Variants in FOXP1 observed in about 807,000 individuals in gnomAD.
FOXP1 encodes the protein forkhead box protein P1.
FOXP1 carries 15 observed loss-of-function variants against 98.2 expected under a neutral mutation model. The observed-to-expected ratio is 0.15, with a 90% CI of 0.10 to 0.24. The LOEUF is 0.24. Among genes scored for constraint, FOXP1 ranks in the 10% least tolerant of loss-of-function variants. The pLI is 1.00. For synonymous variants in FOXP1, 371 were observed against 314.5 expected, an observed-to-expected ratio of 1.18 and a Z score of -1.90; for missense variants, 633 against 848.5, an observed-to-expected ratio of 0.75 and a Z score of 3.15.
chr3:70,959,512 G>T, intron 20 of FOXP1, 121 bp from the exon 21 acceptor site: 1 of 1,052,204 alleles, frequency 9.5e-7, no homozygotes, highest in Non-Finnish European at 1.4e-6. Context: ...GTCCAGTATT[G>T]TTACCATTAG....
chr3:71,424,925 A>G (rs961405240), intron 3 of FOXP1, among the ~76,000 whole-genome samples: 1 of 152,214 alleles, frequency 6.6e-6, no homozygotes. Context: ...AGTGATCAAG[A>G]ACAGGGAAAG....
chr3:71,302,100 G>GCC (rs2073894587), intron 4 of FOXP1, among the ~76,000 whole-genome samples: 1 of 152,118 alleles, frequency 6.6e-6, no homozygotes, highest in Non-Finnish European at 1.5e-5. Context: ...TGCACGATTG[G>GCC]CCACTCATTA....
rs916116002 is a variant in FOXP1, at chr3:71,469,020, G to A, written c.-168+24406C>T. ...TCCAACTCAGAGCAATTCCACCGGCGCTGGGTGTTGCCTTGTAAATGGCAA... is the reference window on the plus strand; with the variant it reads ...TCCAACTCAGAGCAATTCCACCGGCACTGGGTGTTGCCTTGTAAATGGCAA... On this transcript the variant is annotated intron_variant, in intron 3 of 20. Transcript: ENST00000649528. 3.9e-5 allele frequency among the ~76,000 whole-genome samples: 6 copies of A among 152,294 alleles called. No homozygotes were observed. In the East Asian group the frequency reaches 7.7e-4, roughly 20 times the overall value.
At position 71,297,616 on chromosome 3, in the gene FOXP1, A is replaced by ATTTT. The variant is rs33920121; in HGVS notation, c.-12+2200_-12+2203dup. ...TCTACCACTTTTTCAGCTTTGTTTA[A>ATTTT]TTTTTTTTTTTTTTTTTCAGACAGA... On this transcript the variant is annotated intron_variant, in intron 5 of 20. Transcript: ENST00000649528. Among the ~76,000 whole-genome samples the ATTTT allele has an allele frequency of 6.7e-5, 9 of 135,204 alleles. 1 individual carries two copies. The highest frequency in any genetic ancestry group is 2.1e-4 in the East Asian group (1 of 4,714). The allele number at this position is 135,204 out of a possible 152,430, so 88.7% of individuals were successfully genotyped here. A position where few individuals can be genotyped will look rare whatever the true frequency, so the allele number is the denominator to read the frequency against.
intron 5 of FOXP1, among the ~76,000 whole-genome samples, chr3:71,271,410 A>C (rs1222036586): frequency 6.6e-6 from 1 of 152,200 alleles, no homozygotes; most frequent in East Asian, 1.9e-4. Flanking sequence ...ATTGCTGCCC[A>C]CCAATTCGGT....
chr3:71,416,809 G>A (rs988881191), intron 3 of FOXP1, among the ~76,000 whole-genome samples: 1 of 152,062 alleles, frequency 6.6e-6, no homozygotes, highest in Non-Finnish European at 1.5e-5. Context: ...AAAAGGGGGC[G>A]GGGGTGGTGG....
chr3:71,473,924 C>T (rs1489182434), intron 3 of FOXP1, among the ~76,000 whole-genome samples: 2 of 152,150 alleles, frequency 1.3e-5, no homozygotes, highest in Non-Finnish European at 2.9e-5. Flanking sequence ...ATGGGTGGGA[C>T]ATGTCACCTG....
rs184396886 is a variant in FOXP1, at chr3:71,009,591, C to T, written c.974+5958G>A. Among the ~76,000 whole-genome samples the T allele has an allele frequency of 8.5e-3, 1,287 of 152,212 alleles. 74 individuals are homozygous for T. Among genetic ancestry groups the T allele is most frequent in the Admixed American group, 0.078 (1,198 of 15,270 alleles). ...ATATCAATGCTTTGCATAGTCACAA[C>T]TCCTTTTCCTAGGTAGAAGGTTGGA... On this transcript the variant is annotated intron_variant, in intron 12 of 20. Transcript: ENST00000649528.
rs184504472 is a variant in FOXP1 at position 71,314,844 on chromosome 3, A to G, written c.-72-14964T>C. Among the ~76,000 whole-genome samples, 1,104 of 152,076 alleles carry G rather than the reference A, an allele frequency of 7.3e-3. 29 individuals carry two copies. The highest frequency in any genetic ancestry group is 4.7e-3 in the Non-Finnish European group (317 of 67,986). The stretch of plus-strand genomic sequence containing the variant: ...AAGGAAAGAGGAGAATCCAGCCTGG[A>G]ACCAAAAGGCATTGAAACACATTTT... On this transcript the variant is annotated intron_variant, in intron 4 of 20. Coordinates refer to ENST00000649528, the MANE Select transcript of FOXP1 (RefSeq NM_001349338.3).
chr3:71,554,294 A>G (rs894177956), intron 2 of FOXP1, among the ~76,000 whole-genome samples: 3 of 152,338 alleles, frequency 2.0e-5, no homozygotes, highest in Middle Eastern at 3.4e-3. Context: ...TCAAGGCTGC[A>G]GTGAGCTATG....
chr3:71,376,980 C>A (rs2079766526), intron 3 of FOXP1, among the ~76,000 whole-genome samples: 1 of 152,004 alleles, frequency 6.6e-6, no homozygotes. Flanking sequence ...AAAATTGAGT[C>A]TTCATCTTCT....
chr3:71,545,169 C>A (rs543645634), intron 2 of FOXP1, among the ~76,000 whole-genome samples: 25 of 152,164 alleles, frequency 1.6e-4, no homozygotes, highest in Admixed American at 1.6e-3. Context: ...AAAAAATCAG[C>A]ATGCTGTCAT....
rs560954116 is a variant in FOXP1 at position 71,536,990 on chromosome 3, A to C, written c.-297-43435T>G. Among the ~76,000 whole-genome samples the C allele has an allele frequency of 1.2e-4, 19 of 152,200 alleles. No individual in the cohort carries two copies. In the East Asian group the frequency reaches 3.5e-3, roughly 28 times the overall value. On this transcript the variant is annotated intron_variant, in intron 2 of 20. Transcript: ENST00000649528. Reference sequence around the variant, plus strand: ...TCCTGCCCACCTGAGCCATGGAGGGAAGGTCTGCCAACTGTCCCAGGATGT... The same window carrying C: ...TCCTGCCCACCTGAGCCATGGAGGGCAGGTCTGCCAACTGTCCCAGGATGT...
chr3:71,323,590 T>C (rs1213056802), intron 4 of FOXP1, among the ~76,000 whole-genome samples: 2 of 151,724 alleles, frequency 1.3e-5, no homozygotes, highest in South Asian at 2.1e-4. Flanking sequence ...GTGTAACTAG[T>C]TCAGTTTTAG....
intron 6 of FOXP1, among the ~76,000 whole-genome samples, chr3:71,150,847 T>C (rs1415334837): frequency 6.6e-6 from 1 of 152,174 alleles, no homozygotes; most frequent in Non-Finnish European, 1.5e-5. Context: ...GTCTACCCCG[T>C]TACGGTCTCT....
chr3:71,424,594 G>A (rs1011298002), intron 3 of FOXP1, among the ~76,000 whole-genome samples: 2 of 152,122 alleles, frequency 1.3e-5, no homozygotes, highest in Non-Finnish European at 2.9e-5. Context: ...AACTTCCAGA[G>A]GTGTATTAAT....
intron 3 of FOXP1, among the ~76,000 whole-genome samples, chr3:71,376,981 T>C (rs2079766775): frequency 6.6e-6 from 1 of 152,182 alleles, no homozygotes; most frequent in African/African-American, 2.4e-5. Context: ...AAATTGAGTC[T>C]TCATCTTCTT....
intron 2 of FOXP1, among the ~76,000 whole-genome samples, chr3:71,535,183 A>G (rs1034890500): frequency 1.3e-5 from 2 of 152,204 alleles, no homozygotes; most frequent in Non-Finnish European, 2.9e-5. Context: ...AACCAGGTGC[A>G]TCTGGCCCTG....
chr3:71,070,478 T>C lies in FOXP1; in HGVS notation c.283-16705A>G, dbSNP rs143541362. On this transcript the variant is annotated intron_variant, in intron 7 of 20. Transcript: ENST00000649528. ...TACAGTATATTTGGCTGACTCGCAG[T>C]TCGAGTTTTCTTCTGGCATTCCTAA... 2.6e-3 allele frequency among the ~76,000 whole-genome samples: 389 copies of C among 152,334 alleles called. 1 individual carries two copies. The highest frequency in any genetic ancestry group is 4.3e-3 in the Non-Finnish European group (291 of 68,024).
Sources: gnomAD v4.1 joint callset for allele counts (sites outside exome capture counted in the v4.1 genomes callset) on GRCh38, gnomAD v4.1.1 for gene constraint, MANE v1.5 for transcripts, NCBI Gene and HGNC (gene_info 2026-07-23, HGNC 2026-07-21) for gene names.